HYDIN: variants seen among roughly 807,000 people sequenced by gnomAD.
The protein encoded by HYDIN is HYDIN axonemal central pair apparatus protein.
A neutral mutation model predicts 403.9 loss-of-function variants in HYDIN; 132 were observed. The observed-to-expected ratio is 0.33, with a 90% CI of 0.28 to 0.38. The LOEUF is 0.38. Among genes scored for constraint, HYDIN ranks in the 10% least tolerant of loss-of-function variants. HYDIN has a pLI of 1.00. For synonymous variants in HYDIN, 1,202 were observed against 1,891.7 expected (o/e 0.64, Z 9.46); for missense variants, 2,827 against 5,009.5 (o/e 0.56, Z 13.15).
intron 22 of HYDIN, among the ~76,000 whole-genome samples, chr16:71,019,556 G>A (rs12102981): frequency 4.5e-3 from 618 of 138,098 alleles, no homozygotes; most frequent in African/African-American, 0.013. Flanking sequence ...GTAGATCATG[G>A]CATCTGTAGC....
chr16:70,959,876 A>C (rs1442034641), intron 38 of HYDIN, 56 bp from the exon 39 acceptor site: 1 of 570,370 alleles, frequency 1.8e-6, no homozygotes, highest in African/African-American at 2.0e-5. Context: ...ACACAGCCGG[A>C]ATTTACATGG....
intron 65 of HYDIN, among the ~76,000 whole-genome samples, chr16:70,870,616 C>A (rs555616275): frequency 9.2e-5 from 14 of 152,320 alleles, no homozygotes; most frequent in African/African-American, 3.4e-4. Context: ...GGAACCTCCA[C>A]TGTGCCCAGC....
rs914744793 is a variant in HYDIN, at chr16:70,803,160, AT to A, written c.*4419del. Among the ~76,000 whole-genome samples, 57 of 150,512 alleles carry A rather than the reference AT, an allele frequency of 3.8e-4. No homozygotes were observed. The highest frequency in any genetic ancestry group is 3.4e-3 in the Middle Eastern group (1 of 290). On this transcript the variant is annotated 3_prime_UTR_variant, in exon 86 of 86. Transcript: ENST00000393567. ...TTTTTAATAATTCAAACAATAAGGA[AT>A]TTTTTTTTTACCAGAAGTATTCTTT...
At chr16:71,150,934 C>T (rs1183668901) in intron 7 of HYDIN, among the ~76,000 whole-genome samples, 1 of 152,094 alleles carries the variant, frequency 6.6e-6, no homozygotes, top group Non-Finnish European at 1.5e-5. Flanking sequence ...CCAGTAAGCA[C>T]CTGAGAAGGC....
At chr16:70,981,366 G>T in intron 29 of HYDIN, 25 bp downstream of exon 29, 3 of 1,598,710 alleles carry the variant, frequency 1.9e-6, no homozygotes, top group Middle Eastern at 1.8e-4. Context: ...CCCCAGTGGG[G>T]AACTACTCCA....
intron 7 of HYDIN, among the ~76,000 whole-genome samples, chr16:71,148,510 T>G (rs2085407866): frequency 6.6e-6 from 1 of 152,158 alleles, no homozygotes; most frequent in African/African-American, 2.4e-5. Context: ...GAAGTAAATT[T>G]AGCAAAGTCT....
chr16:71,075,313 C>T (rs1182336260), intron 13 of HYDIN, among the ~76,000 whole-genome samples: 1 of 150,372 alleles, frequency 6.7e-6, no homozygotes, highest in African/African-American at 2.5e-5. Context: ...TTCAGCTGAA[C>T]CAACTATGAG....
intron 18 of HYDIN, among the ~76,000 whole-genome samples, chr16:71,050,740 A>G (rs551135900): frequency 2.6e-5 from 4 of 152,134 alleles, no homozygotes; most frequent in Non-Finnish European, 5.9e-5. Context: ...CAATATTTGG[A>G]ATAATTTTTT....
chr16:71,093,145 T>C (rs1204907680), intron 11 of HYDIN, among the ~76,000 whole-genome samples: 2 of 152,010 alleles, frequency 1.3e-5, no homozygotes, highest in African/African-American at 2.4e-5. Flanking sequence ...TACAAACATA[T>C]ACAATGAAGG....
intron 9 of HYDIN, 138 bp from the exon 10 acceptor site, chr16:71,115,933 A>G: frequency 5.2e-6 from 3 of 582,006 alleles, no homozygotes; most frequent in Non-Finnish European, 9.2e-6. Context: ...ATGTTTTGAT[A>G]TATATTTGTA....
chr16:71,198,522 G>T (rs763041351), intron 1 of HYDIN, among the ~76,000 whole-genome samples: 1 of 152,110 alleles, frequency 6.6e-6, no homozygotes, highest in Non-Finnish European at 1.5e-5. Context: ...AGATGGAAAG[G>T]GAATGGCTGG....
Position 71,102,357 on chromosome 16 carries a change from T to A in HYDIN, c.1328-8422A>T, listed in dbSNP as rs1159448089. 2.0e-5 allele frequency among the ~76,000 whole-genome samples: 3 copies of A among 152,110 alleles called. No homozygotes were observed. In the East Asian group the frequency reaches 5.8e-4, roughly 29 times the overall value. On this transcript the variant is annotated intron_variant, in intron 10 of 85. Coordinates refer to ENST00000393567, the MANE Select transcript of HYDIN (RefSeq NM_001270974.2). Reference sequence around the variant, plus strand: ...TTTTGTGTAATTTCAATATAAATTTTAAAAACACAAAACTTGCTGAAATGT... The same window carrying A: ...TTTTGTGTAATTTCAATATAAATTTAAAAAACACAAAACTTGCTGAAATGT...
Position 70,928,301 on chromosome 16 carries a change from A to G in HYDIN, c.7159-7084T>C, listed in dbSNP as rs148566255. Among the ~76,000 whole-genome samples, 81 of 152,330 alleles carry G rather than the reference A, an allele frequency of 5.3e-4. No individual in the cohort carries two copies. In the East Asian group the frequency reaches 0.014, roughly 25 times the overall value. On this transcript the variant is annotated intron_variant, in intron 45 of 85. Coordinates refer to ENST00000393567, the MANE Select transcript of HYDIN (RefSeq NM_001270974.2). ...AACATGGCATAACCACATTTCTACA[A>G]AAAAATTAGCCAGACGTGGTGGTGC...
At chr16:71,206,457 C>T (rs1055650748) in intron 1 of HYDIN, among the ~76,000 whole-genome samples, 3 of 152,172 alleles carry the variant, frequency 2.0e-5, no homozygotes, top group African/African-American at 7.2e-5. Context: ...ACTGAAGGAA[C>T]ATTGGCCCAC....
intron 13 of HYDIN, among the ~76,000 whole-genome samples, chr16:71,073,677 G>C (rs1226889884): frequency 6.6e-6 from 1 of 152,052 alleles, no homozygotes; most frequent in Non-Finnish European, 1.5e-5. Context: ...ACACATCCTT[G>C]TATCTCCTGA....
chr16:70,858,335 G>T (rs549805116), intron 71 of HYDIN, among the ~76,000 whole-genome samples: 207 of 152,118 alleles, frequency 1.4e-3, no homozygotes, highest in Non-Finnish European at 2.5e-3. Context: ...ATGGTGAAAG[G>T]TACCATGCAG....
chr16:71,048,525 T>C (rs1205642604), intron 18 of HYDIN, among the ~76,000 whole-genome samples: 2 of 144,170 alleles, frequency 1.4e-5, no homozygotes, highest in Non-Finnish European at 3.1e-5. Context: ...CTTTTAATAA[T>C]AGACATCCTA....
intron 58 of HYDIN, among the ~76,000 whole-genome samples, chr16:70,885,860 A>T (rs2041097993): frequency 6.6e-6 from 1 of 152,076 alleles, no homozygotes; most frequent in Admixed American, 6.5e-5. Flanking sequence ...CATAAAAACC[A>T]ACATGTAGAA....
intron 23 of HYDIN, among the ~76,000 whole-genome samples, chr16:71,002,109 TG>T (rs2079735927): frequency 1.3e-5 from 2 of 152,248 alleles, no homozygotes; most frequent in Admixed American, 6.5e-5. Flanking sequence ...CATCTGCAGG[TG>T]GTTTGTATGC....
Sources: gnomAD v4.1 joint callset for allele counts (sites outside exome capture counted in the v4.1 genomes callset) on GRCh38, gnomAD v4.1.1 for gene constraint, MANE v1.5 for transcripts, NCBI Gene and HGNC (gene_info 2026-07-23, HGNC 2026-07-21) for gene names.